Variants in TSPYL2 observed in about 807,000 individuals in gnomAD.
TSPYL2 encodes the protein TSPY like 2.
A neutral mutation model predicts 33.0 loss-of-function variants in TSPYL2; 9 were observed. The observed-to-expected ratio is 0.27, with a 90% CI of 0.16 to 0.48. TSPYL2 has a LOEUF of 0.48. Among genes scored for constraint, TSPYL2 ranks in the 20% least tolerant of loss-of-function variants. TSPYL2 has a pLI of 0.99. For missense variants in TSPYL2, 636 were observed against 586.2 expected, an observed-to-expected ratio of 1.08 and a Z score of -0.88; for synonymous variants, 330 against 233.6, an observed-to-expected ratio of 1.41 and a Z score of -3.77.
intron 1 of TSPYL2, among the ~76,000 whole-genome samples, chrX:53,083,726 A>G (rs1278899002): frequency 9.0e-6 from 1 of 111,162 alleles, no homozygotes; most frequent in Non-Finnish European, 1.9e-5. Context: ...GGGGAATGGC[A>G]CACAGCAGAG....
In TSPYL2 at chrX:53,082,419, C is replaced by T; in HGVS notation, c.-80C>T. On this transcript the variant is annotated 5_prime_UTR_variant, in exon 1 of 7. Transcript: ENST00000375442. ...GCGTGAGTCTCCTCAGCTCTGCTTA[C>T]CGGTGCGACTAGCGGCAGCGACGCG... The T allele has an allele frequency of 1.0e-6, 1 of 982,229 alleles. No individual in the cohort carries two copies. Among genetic ancestry groups the T allele is most frequent in the Non-Finnish European group, 1.3e-6 (1 of 743,953 alleles). The allele number at this position is 982,229 out of a possible 1,213,427, so 80.9% of individuals were successfully genotyped here.
At chrX:53,085,531 C>T (rs782131300) in intron 5 of TSPYL2, 100 bp from the exon 6 acceptor site, 13 of 915,495 alleles carry the variant, frequency 1.4e-5, no homozygotes, top group Non-Finnish European at 2.0e-5. Context: ...TTCCTGGGAT[C>T]CCTTATAGCC....
At position 53,082,576 on chromosome X, in the gene TSPYL2, CCCGCCGCCG is replaced by C. The variant is rs781884842; in HGVS notation, c.92_100del (p.Pro31_Pro33del). The C allele has an allele frequency of 5.8e-4, 668 of 1,147,109 alleles. 4 individuals are homozygous for C. The East Asian group carries it at 0.014, about 23-fold the overall frequency. The allele number at this position is 1,147,109 out of a possible 1,213,427, so 94.5% of individuals were successfully genotyped here. A position where few individuals can be genotyped will look rare whatever the true frequency, so the allele number is the denominator to read the frequency against. The stretch of plus-strand genomic sequence containing the variant: ...CCGAGTCTCCACAGCGCGACCCGCC[CCCGCCGCCG>C]CCGCCGCCGCCGCTCCTCCGACTGC... On this transcript the variant is annotated inframe_deletion, in exon 1 of 7. Coordinates refer to ENST00000375442, the MANE Select transcript of TSPYL2 (RefSeq NM_022117.4).
chrX:53,084,860 C>T lies in TSPYL2; in HGVS notation c.991C>T (p.Arg331Cys), dbSNP rs782055951. Residue 331 changes from arginine to cysteine, a missense_variant, in exon 3 of 7, where the codon CGC (arginine) becomes TGC (cysteine). Arg to Cys is a radical substitution (Grantham distance 180). Transcript: ENST00000375442. Reference protein sequence around the residue: ...MVIVKEFQRNRSGRLVSHSTP... With the variant: ...MVIVKEFQRNCSGRLVSHSTP... The stretch of plus-strand genomic sequence containing the variant: ...GATTGTCAAGGAGTTCCAGCGCAAC[C>T]GCTCAGGTAAGTGGCAGTACCAGAG... 76 of 1,208,477 alleles carry T rather than the reference C, an allele frequency of 6.3e-5. No individual in the cohort carries two copies. Among genetic ancestry groups the T allele is most frequent in the Admixed American group, 8.7e-5 (4 of 45,733 alleles).
At chrX:53,084,471 G>A (rs1350471477) in intron 1 of TSPYL2, 74 bp from the exon 2 acceptor site, 1 of 909,655 alleles carries the variant, frequency 1.1e-6, no homozygotes, top group Non-Finnish European at 1.5e-6. Flanking sequence ...CTCTCTTACT[G>A]TGCCCTTCCT....
chrX:53,086,620 G>A, intron 6 of TSPYL2: 1 of 342,286 alleles, frequency 2.9e-6, no homozygotes, highest in Non-Finnish European at 5.2e-6. Context: ...TGGGGGAGTG[G>A]CAAAACACAG....
At chrX:53,086,630 G>A (rs1556808809) in intron 6 of TSPYL2, 1 of 326,182 alleles carries the variant, frequency 3.1e-6, no homozygotes, top group Non-Finnish European at 5.4e-6. Flanking sequence ...GCAAAACACA[G>A]TGCATTTCAG....
chrX:53,085,523 C>G (rs1932746892), intron 5 of TSPYL2, 108 bp from the exon 6 acceptor site: 1 of 887,026 alleles, frequency 1.1e-6, no homozygotes, highest in African/African-American at 2.0e-5. Flanking sequence ...TAGCCCCATT[C>G]CTGGGATCCC....
intron 1 of TSPYL2, among the ~76,000 whole-genome samples, chrX:53,083,678 C>G (rs1215331941): frequency 9.1e-6 from 1 of 109,990 alleles, no homozygotes; most frequent in Non-Finnish European, 1.9e-5. Context: ...GGGAGGGGCA[C>G]GTAGAAGATG....
chrX:53,085,140 G>T, intron 4 of TSPYL2, 41 bp downstream of exon 4: 1 of 1,193,750 alleles, frequency 8.4e-7, no homozygotes, highest in Non-Finnish European at 1.1e-6. Context: ...GCCTTGCTAG[G>T]CTTGTTCCTG....
At position 53,085,707 on chromosome X, in the gene TSPYL2, G is replaced by A. The variant is rs782123120; in HGVS notation, c.1315G>A (p.Glu439Lys). 1.4e-5 allele frequency: 17 copies of A among 1,210,046 alleles called. No homozygotes were observed. The highest frequency in any genetic ancestry group is 1.9e-5 in the Non-Finnish European group (17 of 895,182). Residue 439 changes from glutamate to lysine, a missense_variant, in exon 6 of 7, where the codon GAG becomes AAG. By Grantham distance (56) the Glu-to-Lys change is moderately conservative. Transcript: ENST00000375442. Reference sequence around the variant, plus strand: ...TTATGCAGTGGAAGACATTTTCAGCGAGATCTCAGACATTGATGAGACAAT... The same window carrying A: ...TTATGCAGTGGAAGACATTTTCAGCAAGATCTCAGACATTGATGAGACAAT... ...DYYAVEDIFS[E>K]ISDIDETIHD...
Position 53,082,889 on chromosome X carries a change from G to T in TSPYL2, c.391G>T (p.Asp131Tyr), listed in dbSNP as rs782478654. 1.7e-6 allele frequency: 2 copies of T among 1,208,640 alleles called. No homozygotes were observed. Among genetic ancestry groups the T allele is most frequent in the African/African-American group, 1.8e-5 (1 of 56,846 alleles). ...PEASGGSLEIDFQVVQSSSFG... is the reference protein window; with the variant it reads ...PEASGGSLEIYFQVVQSSSFG... ...GGCCTCGGGGGGGAGCCTGGAAATC[G>T]ATTTTCAGGTTGTACAGTCGAGCAG... The change falls in exon 1 of 7, where the codon GAT (aspartate) becomes TAT (tyrosine). Residue 131 changes from aspartate (D) to tyrosine (Y), a missense_variant. This residue lies in a region of TSPYL2 where 231 missense variants were observed against 201.6 expected (regional missense o/e 1.15). Coordinates refer to ENST00000375442, the MANE Select transcript of TSPYL2 (RefSeq NM_022117.4).
chrX:53,087,065 G>A (rs905400781), intron 6 of TSPYL2: 1 of 112,997 alleles, frequency 8.8e-6, no homozygotes, highest in African/African-American at 3.3e-5. Flanking sequence ...AAGGCTCTGA[G>A]AATAACACGA....
chrX:53,087,821 A>C lies in TSPYL2; in HGVS notation c.1964A>C (p.Glu655Ala). The change falls in exon 7 of 7, where the codon GAG (glutamate) becomes GCG (alanine). Residue 655 changes from glutamate to alanine, a missense_variant. By Grantham distance (107) the Glu-to-Ala change is moderately radical. Transcript: ENST00000375442. ...EDIYEEGNYEEEGSEDVWEEG... is the reference protein window; with the variant it reads ...EDIYEEGNYEAEGSEDVWEEG... ...ATCTATGAGGAAGGAAACTATGAGG[A>C]GGAAGGAAGTGAAGATGTCTGGGAA... 1 of 1,211,532 alleles carries C rather than the reference A, an allele frequency of 8.3e-7. No individual in the cohort carries two copies. The highest frequency in any genetic ancestry group is 1.8e-5 in the South Asian group (1 of 56,959).
rs1246945593 is a variant in TSPYL2, at chrX:53,087,900, CGGTT to C, written c.2046_2049del (p.Trp683ProfsTer35). On this transcript the variant is annotated frameshift_variant, in exon 7 of 7. Transcript: ENST00000375442. LOFTEE classifies it high-confidence loss of function. ...TAGAGGATGTGCTTCAGGTCCCAAA[CGGTT>C]GGGCCAATCCGGGGAAGAGGGGGAA... The C allele has an allele frequency of 8.3e-7, 1 of 1,210,164 alleles. No individual in the cohort carries two copies. The highest frequency in any genetic ancestry group is 1.1e-6 in the Non-Finnish European group (1 of 895,213).
In TSPYL2 at chrX:53,087,944, T is replaced by C. The variant is rs369838024; in HGVS notation, c.*5T>C. On this transcript the variant is annotated 3_prime_UTR_variant, in exon 7 of 7. Transcript: ENST00000375442. Reference sequence around the variant, plus strand: ...AAGAGGGGGAAAACCGGATAAGGGTTTTCCCCTTTTGGGGATCACCTCTCT... The same window carrying C: ...AAGAGGGGGAAAACCGGATAAGGGTCTTCCCCTTTTGGGGATCACCTCTCT... 2 of 1,209,562 alleles carry C rather than the reference T, an allele frequency of 1.7e-6. No homozygotes were observed. The highest frequency in any genetic ancestry group is 1.1e-6 in the Non-Finnish European group (1 of 894,269).
chrX:53,084,993 G>A lies in TSPYL2; in HGVS notation c.1037G>A (p.Arg346Gln), dbSNP rs782545023. ...VSHSTPIRWHRGQEPQARRHG... is the reference protein window; with the variant it reads ...VSHSTPIRWHQGQEPQARRHG... ...CACTCAACCCCAATCCGCTGGCACC[G>A]GGGCCAGGAACCCCAGGCCCGTCGT... is the stretch of plus-strand genomic sequence containing the variant. The change falls in exon 4 of 7, where the codon CGG (arginine) becomes CAG (glutamine). Residue 346 changes from arginine (R) to glutamine (Q), a missense_variant. Around this residue, in one of 3 missense-constraint regions of TSPYL2, gnomAD observed 401 missense variants for 363.0 expected, o/e 1.10. Coordinates refer to ENST00000375442, the MANE Select transcript of TSPYL2 (RefSeq NM_022117.4). 4.9e-5 allele frequency: 59 copies of A among 1,209,291 alleles called. No homozygotes were observed. Among genetic ancestry groups the A allele is most frequent in the Admixed American group, 6.6e-5 (3 of 45,755 alleles).
Position 53,082,682 on chromosome X carries a change from A to C in TSPYL2, c.184A>C (p.Arg62=), listed in dbSNP as rs782658165. Residue 62 remains arginine (R), a synonymous_variant, in exon 1 of 7, where the codon AGG becomes CGG. Transcript: ENST00000375442. ...TEAAQVLADM[R]GVGLGPALPP... ...GGCGGCACAGGTGCTGGCCGATATG[A>C]GGGGGGTGGGACTGGGCCCCGCGCT... 3 of 1,151,686 alleles carry C rather than the reference A, an allele frequency of 2.6e-6. No individual in the cohort carries two copies. The highest frequency in any genetic ancestry group is 3.5e-6 in the Non-Finnish European group (3 of 868,486). The allele number at this position is 1,151,686 out of a possible 1,213,427, so 94.9% of individuals were successfully genotyped here. A position where few individuals can be genotyped will look rare whatever the true frequency, so the allele number is the denominator to read the frequency against.
chrX:53,084,950 C>T lies in TSPYL2; in HGVS notation c.998-4C>T. 1 of 1,209,729 alleles carries T rather than the reference C, an allele frequency of 8.3e-7. No homozygotes were observed. Among genetic ancestry groups the T allele is most frequent in the Non-Finnish European group, 1.1e-6 (1 of 894,239 alleles). On this transcript the variant is annotated splice_region_variant and splice_polypyrimidine_tract_variant and intron_variant, in intron 3 of 6. Transcript: ENST00000375442. The stretch of plus-strand genomic sequence containing the variant: ...CCCATCTCCATAGCCTTCTCTCTCC[C>T]TAGGCCGGCTGGTGTCTCACTCAAC...
Sources: gnomAD v4.1 joint callset for allele counts (sites outside exome capture counted in the v4.1 genomes callset) on GRCh38, gnomAD v4.1.1 for gene constraint, gnomAD v4.1.1 regional missense constraint, MANE v1.5 for transcripts, NCBI Gene and HGNC (gene_info 2026-07-23, HGNC 2026-07-21) for gene names.